The following SLC37A2 variants were observed in gnomAD, a reference collection of about 807,000 sequenced individuals.
SLC37A2 encodes solute carrier family 37 member 2, also known as glucose-6-phosphate exchanger SLC37A2.
In SLC37A2, 59 loss-of-function variants were observed where a neutral mutation model predicts 70.7. The ratio of observed to expected loss-of-function variants is 0.83; its 90% CI spans 0.68 to 1.04. SLC37A2 has a LOEUF of 1.04. SLC37A2 is among the 50% of genes least tolerant of loss of function. The pLI is 0.00. For synonymous variants in SLC37A2, 257 were observed against 262.1 expected (o/e 0.98, Z 0.19); for missense variants, 580 against 658.1 (o/e 0.88, Z 1.30).
rs1164494586 is a variant in SLC37A2, at chr11:125,076,696, G to A, written c.60-61G>A. On this transcript the variant is annotated intron_variant, in intron 1 of 17. Coordinates refer to ENST00000403796, the MANE Select transcript of SLC37A2 (RefSeq NM_001145290.2). Reference sequence around the variant, plus strand: ...AGAGGGGACACGGGTCAGGGATGCCGGCCCAGAACTTCCAGCTGGGGCTGA... The same window carrying A: ...AGAGGGGACACGGGTCAGGGATGCCAGCCCAGAACTTCCAGCTGGGGCTGA... 2.8e-5 allele frequency: 42 copies of A among 1,520,462 alleles called. No individual in the cohort carries two copies. The East Asian group carries it at 3.6e-4, about 13-fold the overall frequency. 94.2% of individuals were successfully genotyped at this position (1,520,462 alleles called of 1,614,324 possible).
At chr11:125,082,811 C>T (rs1252821144) in intron 10 of SLC37A2, among the ~76,000 whole-genome samples, 4 of 152,156 alleles carry the variant, frequency 2.6e-5, no homozygotes, top group Non-Finnish European at 5.9e-5. Context: ...CTAATGTGAT[C>T]GATGCCCCTG....
At position 125,077,211 on chromosome 11, in the gene SLC37A2, T is replaced by C. The variant is rs1439148437; in HGVS notation, c.142-19T>C. ...CCTCTGGGTCAACCCCTGACCTGTA[T>C]GTCCCATTGCCTATCCAGAGCCGTC... On this transcript the variant is annotated intron_variant, in intron 2 of 17. Coordinates refer to ENST00000403796, the MANE Select transcript of SLC37A2 (RefSeq NM_001145290.2). 1 of 1,555,882 alleles carries C rather than the reference T, an allele frequency of 6.4e-7. No homozygotes were observed. Among genetic ancestry groups the C allele is most frequent in the South Asian group, 1.2e-5 (1 of 81,280 alleles).
In SLC37A2 at chr11:125,079,182, A is replaced by G; in HGVS notation, c.385A>G (p.Thr129Ala). ...TGGAATGCTGCTCAGTGGCCTTTTC[A>G]CCTCGCTCTTTGGCCTGGGATATTT... ...SAGMLLSGLF[T>A]SLFGLGYFWN... The change falls in exon 5 of 18, where the codon ACC (threonine) becomes GCC (alanine). Residue 129 changes from threonine (T) to alanine (A), a missense_variant. Transcript: ENST00000403796. 1 of 1,613,936 alleles carries G rather than the reference A, an allele frequency of 6.2e-7. No individual in the cohort carries two copies. Among genetic ancestry groups the G allele is most frequent in the Non-Finnish European group, 8.5e-7 (1 of 1,179,988 alleles).
chr11:125,063,412 C>T lies in SLC37A2; in HGVS notation c.45C>T (p.Phe15=). Residue 15 remains phenylalanine, a synonymous_variant, in exon 1 of 18, where the codon TTC becomes TTT. Coordinates refer to ENST00000403796, the MANE Select transcript of SLC37A2 (RefSeq NM_001145290.2). This position sits in a 1 kb window ranked among gnomAD's most constrained non-coding sequence, Gnocchi z 5.4. ...CGGGAGTCTGGTTCTTCCGGGCCTT[C>T]TCCAGGGACAGCTGGTGAGCGGGGC... ...LAPGVWFFRA[F]SRDSWFRGLI... 6.2e-7 allele frequency: 1 copy of T among 1,611,862 alleles called. No homozygotes were observed.
chr11:125,082,786 T>G (rs1949164447), intron 10 of SLC37A2, among the ~76,000 whole-genome samples: 2 of 152,268 alleles, frequency 1.3e-5, no homozygotes, highest in African/African-American at 4.8e-5. Context: ...CCTGGTGGTC[T>G]TCTCCCCGTG....
intron 10 of SLC37A2, 63 bp downstream of exon 10, chr11:125,082,397 G>A (rs2098809039): frequency 3.5e-6 from 5 of 1,437,130 alleles, no homozygotes; most frequent in Admixed American, 3.4e-5. Context: ...TCTGGTGGGA[G>A]AGGAAGCCCG....
At chr11:125,068,364 A>G (rs994096352) in intron 1 of SLC37A2, among the ~76,000 whole-genome samples, 3 of 152,206 alleles carry the variant, frequency 2.0e-5, no homozygotes, top group African/African-American at 7.2e-5. Flanking sequence ...AGATAAGTTT[A>G]GATTTGGATT....
rs961877742 is a variant in SLC37A2, at chr11:125,080,891, G to A, written c.694+111G>A. On this transcript the variant is annotated intron_variant, in intron 7 of 17. Transcript: ENST00000403796. The surrounding 1 kb of genome is among the most constrained non-coding windows in gnomAD (Gnocchi z 4.3). ...TGGTCACAGAGTGGGAGGACCAGCC[G>A]TGTGACTTTGGACAATCTTTCAGAG... 7.7e-6 allele frequency: 7 copies of A among 905,072 alleles called. No homozygotes were observed. The highest frequency in any genetic ancestry group is 4.0e-5 in the South Asian group (1 of 24,778). The allele number at this position is 905,072 out of a possible 1,614,324, so 56.1% of individuals were successfully genotyped here.
intron 14 of SLC37A2, 90 bp downstream of exon 14, chr11:125,085,229 T>TC: frequency 7.1e-7 from 1 of 1,398,662 alleles, no homozygotes; most frequent in African/African-American, 1.4e-5. Context: ...CTGTCTCCCA[T>TC]CCCGCAGAGG....
In SLC37A2 at chr11:125,063,381, T is replaced by A. The variant is rs1219539237; in HGVS notation, c.14T>A (p.Leu5Gln). 2 of 1,611,806 alleles carry A rather than the reference T, an allele frequency of 1.2e-6. No homozygotes were observed. Among genetic ancestry groups the A allele is most frequent in the African/African-American group, 2.7e-5 (2 of 74,662 alleles). MRSS[L>Q]APGVWFFRAF... is the part of the protein sequence containing the mutation. Reference sequence around the variant, plus strand: ...CGGTCAGGCAAAATGCGGTCCTCCCTGGCTCCGGGAGTCTGGTTCTTCCGG... The same window carrying A: ...CGGTCAGGCAAAATGCGGTCCTCCCAGGCTCCGGGAGTCTGGTTCTTCCGG... The change falls in exon 1 of 18, where the codon CTG becomes CAG. Residue 5 changes from leucine (L) to glutamine (Q), a missense_variant. Leu to Gln is a moderately radical substitution (Grantham distance 113). Coordinates refer to ENST00000403796, the MANE Select transcript of SLC37A2 (RefSeq NM_001145290.2). The surrounding 1 kb of genome is among the most constrained non-coding windows in gnomAD (Gnocchi z 5.4).
rs1949131409 is a variant in SLC37A2 at position 125,080,162 on chromosome 11, C to G, written c.527+402C>G. ...CCCTTGTTTGGGGACTGTCCTACCA[C>G]TGCAGGCTGTTTAGTAGTAGCCTTC... On this transcript the variant is annotated intron_variant, in intron 6 of 17. Coordinates refer to ENST00000403796, the MANE Select transcript of SLC37A2 (RefSeq NM_001145290.2). This position sits in a 1 kb window ranked among gnomAD's most constrained non-coding sequence, Gnocchi z 4.3. Among the ~76,000 whole-genome samples, 1 of 152,202 alleles carries G rather than the reference C, an allele frequency of 6.6e-6. No homozygotes were observed.
In SLC37A2 at chr11:125,085,066, T is replaced by G; in HGVS notation, c.1175T>G (p.Val392Gly). 5 of 1,614,034 alleles carry G rather than the reference T, an allele frequency of 3.1e-6. No homozygotes were observed. Among genetic ancestry groups the G allele is most frequent in the Non-Finnish European group, 4.2e-6 (5 of 1,179,944 alleles). ...ACTGGCTGTCTCTATGCTGTCCCAGTGATGCTGATCATCTGTGGGGGCCTG... is the reference window on the plus strand; with the variant it reads ...ACTGGCTGTCTCTATGCTGTCCCAGGGATGCTGATCATCTGTGGGGGCCTG... The part of the protein sequence containing the change: ...IGQDGIASSI[V>G]MLIICGGLVN... Residue 392 changes from valine (V) to glycine (G), a missense_variant and splice_region_variant, in exon 14 of 18, where the codon GTG becomes GGG. Coordinates refer to ENST00000403796, the MANE Select transcript of SLC37A2 (RefSeq NM_001145290.2).
At chr11:125,072,619 G>C (rs569032778) in intron 1 of SLC37A2, among the ~76,000 whole-genome samples, 33 of 152,178 alleles carry the variant, frequency 2.2e-4, no homozygotes, top group Non-Finnish European at 4.3e-4. Context: ...CTTGATTCAC[G>C]AGGGAAGGAC....
intron 6 of SLC37A2, 72 bp downstream of exon 6, chr11:125,079,832 T>G: frequency 8.5e-7 from 1 of 1,180,094 alleles, no homozygotes; most frequent in East Asian, 2.4e-5. Flanking sequence ...CACCGTGGCC[T>G]CTGATGTAAT....
In SLC37A2 at chr11:125,079,042, C is replaced by T. The variant is rs1002644373; in HGVS notation, c.315-70C>T. Reference sequence around the variant, plus strand: ...GAGCCACTTCCTAGCGTGGTGGGGGCAGAAACATGGTAGGGAGTTGAGGTG... The same window carrying T: ...GAGCCACTTCCTAGCGTGGTGGGGGTAGAAACATGGTAGGGAGTTGAGGTG... On this transcript the variant is annotated intron_variant, in intron 4 of 17. Transcript: ENST00000403796. 3.8e-6 allele frequency: 6 copies of T among 1,599,706 alleles called. No homozygotes were observed. In the African/African-American group the frequency reaches 6.7e-5, roughly 18 times the overall value.
chr11:125,073,757 C>T (rs764938964), intron 1 of SLC37A2, among the ~76,000 whole-genome samples: 5 of 152,194 alleles, frequency 3.3e-5, no homozygotes, highest in East Asian at 1.9e-4. Context: ...TGGGTTCCCC[C>T]GTGATGCTGC....
intron 12 of SLC37A2, among the ~76,000 whole-genome samples, chr11:125,084,590 A>G (rs1328725160): frequency 1.3e-5 from 2 of 152,218 alleles, no homozygotes; most frequent in Non-Finnish European, 2.9e-5. Context: ...AGGAAAGAAG[A>G]GATTGAGGTT....
At chr11:125,074,723 G>A (rs543877846) in intron 1 of SLC37A2, among the ~76,000 whole-genome samples, 10 of 152,284 alleles carry the variant, frequency 6.6e-5, no homozygotes, top group Non-Finnish European at 1.0e-4. Flanking sequence ...TGGAGGTGCA[G>A]TCTGGCTTCC....
In SLC37A2 at chr11:125,063,391, AGTCTGGTT is replaced by A; in HGVS notation, c.25_32del (p.Val9LeufsTer52). 1 of 1,611,822 alleles carries A rather than the reference AGTCTGGTT, an allele frequency of 6.2e-7. No homozygotes were observed. Among genetic ancestry groups the A allele is most frequent in the South Asian group, 1.1e-5 (1 of 90,516 alleles). On this transcript the variant is annotated frameshift_variant, in exon 1 of 18. Transcript: ENST00000403796. LOFTEE classifies it high-confidence loss of function. This position sits in a 1 kb window ranked among gnomAD's most constrained non-coding sequence, Gnocchi z 5.4. ...AAATGCGGTCCTCCCTGGCTCCGGGAGTCTGGTTCTTCCGGGCCTTCTCCAGGGACAGC... is the reference window on the plus strand; with the variant it reads ...AAATGCGGTCCTCCCTGGCTCCGGGACTTCCGGGCCTTCTCCAGGGACAGC...
Sources: allele counts gnomAD v4.1 joint callset (sites outside exome capture counted in the v4.1 genomes callset), GRCh38; gene constraint gnomAD v4.1.1; non-coding constraint Gnocchi (gnomAD v3.1); transcripts MANE v1.5; gene names NCBI Gene and HGNC (gene_info 2026-07-23, HGNC 2026-07-21).